Variants in LMF1 observed in about 807,000 individuals in gnomAD.
LMF1 encodes lipase maturation factor 1.
In LMF1, 68 loss-of-function variants were observed where a neutral mutation model predicts 60.6. The ratio of observed to expected loss-of-function variants is 1.12; its 90% CI spans 0.92 to 1.37. The LOEUF (loss-of-function observed/expected upper bound fraction) is 1.37, where lower values mean the gene tolerates loss of function less well. Among genes scored for constraint, LMF1 ranks in the 40% most tolerant of loss-of-function variants. The pLI is 0.00. For missense variants in LMF1, 948 were observed against 767.2 expected, an observed-to-expected ratio of 1.24 and a Z score of -2.78; for synonymous variants, 418 against 324.7, an observed-to-expected ratio of 1.29 and a Z score of -3.09.
intron 1 of LMF1, chr16:976,172 C>T (rs971859768): frequency 4.6e-6 from 2 of 439,490 alleles, no homozygotes; most frequent in Non-Finnish European, 9.2e-6. Flanking sequence ...AGGACCTCAG[C>T]CCCCCAGTGC....
At chr16:855,778 C>A (rs897661262) in intron 10 of LMF1, 9 of 455,904 alleles carry the variant, frequency 2.0e-5, no homozygotes, top group Non-Finnish European at 4.0e-5. Context: ...TCACACTGCA[C>A]CAGGGCCCGG....
chr16:979,790 GCA>G, intron 1 of LMF1: 1 of 454,020 alleles, frequency 2.2e-6, no homozygotes, highest in Non-Finnish European at 4.4e-6. Context: ...GTGGAAGGTG[GCA>G]CAGTTTGGAC....
chr16:908,778 C>T (rs56399736), intron 4 of LMF1, among the ~76,000 whole-genome samples: 2,088 of 152,350 alleles, frequency 0.014, 61 homozygotes, highest in African/African-American at 0.048. Context: ...CCAAGACTCC[C>T]CACAGCCCCA....
chr16:979,977 G>A (rs1049807663), intron 1 of LMF1: 2 of 347,520 alleles, frequency 5.8e-6, no homozygotes, highest in African/African-American at 4.3e-5. Flanking sequence ...GCAGACGGAG[G>A]TGTGGGTCTT....
At chr16:854,939 G>C in intron 10 of LMF1, 2 of 587,544 alleles carry the variant, frequency 3.4e-6, no homozygotes, top group South Asian at 2.0e-5. Flanking sequence ...GGGCGGACGG[G>C]GGGCAGCTCC....
In LMF1 at chr16:919,172, C is replaced by A. The variant is rs192953240; in HGVS notation, c.515-8093G>T. Among the ~76,000 whole-genome samples, 417 of 152,254 alleles carry A rather than the reference C, an allele frequency of 2.7e-3. 2 individuals are homozygous for A. Among genetic ancestry groups the A allele is most frequent in the African/African-American group, 9.7e-3 (401 of 41,514 alleles). On this transcript the variant is annotated intron_variant, in intron 3 of 10. Coordinates refer to ENST00000262301, the MANE Select transcript of LMF1 (RefSeq NM_022773.4). Reference sequence around the variant, plus strand: ...CACTCGCGGCTTTTCCAGACCCTCCCCTGACACTCGGCAGTCGGCGTTTCC... The same window carrying A: ...CACTCGCGGCTTTTCCAGACCCTCCACTGACACTCGGCAGTCGGCGTTTCC...
chr16:973,056 A>G (rs981616140), upstream of LMF1, among the ~76,000 whole-genome samples: 1 of 152,192 alleles, frequency 6.6e-6, no homozygotes, highest in Non-Finnish European at 1.5e-5. Flanking sequence ...TGATTCAGCC[A>G]TCAAAAAGAA....
chr16:890,197 C>T (rs1016572755), intron 5 of LMF1, among the ~76,000 whole-genome samples: 4 of 152,192 alleles, frequency 2.6e-5, no homozygotes, highest in Non-Finnish European at 4.4e-5. Flanking sequence ...CGCAAAGAGC[C>T]GTGTCACGGC....
intron 4 of LMF1, among the ~76,000 whole-genome samples, chr16:906,307 T>A (rs966604561): frequency 2.6e-5 from 4 of 152,176 alleles, no homozygotes; most frequent in African/African-American, 9.7e-5. Context: ...TGATCCTGGG[T>A]GTGTCTGTGA....
chr16:981,282 CTG>C (rs71142797), exon 1 of LMF1: 3,231 of 308,986 alleles, frequency 0.01, 40 homozygotes, highest in African/African-American at 0.021. Flanking sequence ...GCGAGACGGG[CTG>C]TGTGTGTGTG....
rs2072825883 is a variant in LMF1, at chr16:962,317, A to G, written c.194-7651T>C. ...ATGGGCGTGGGTCCATAGTGACAAAATCAGTGACCACAAACAAGTAAGTAA... is the reference window on the plus strand; with the variant it reads ...ATGGGCGTGGGTCCATAGTGACAAAGTCAGTGACCACAAACAAGTAAGTAA... On this transcript the variant is annotated intron_variant, in intron 1 of 10. Transcript: ENST00000262301. This position sits in a 1 kb window ranked among gnomAD's most constrained non-coding sequence, Gnocchi z 4.5. Among the ~76,000 whole-genome samples, 1 of 152,270 alleles carries G rather than the reference A, an allele frequency of 6.6e-6. No individual in the cohort carries two copies. Among genetic ancestry groups the G allele is most frequent in the Admixed American group, 6.5e-5 (1 of 15,292 alleles).
Position 868,533 on chromosome 16 carries a change from G to A in LMF1, c.1529+411C>T, listed in dbSNP as rs1413773496. On this transcript the variant is annotated intron_variant, in intron 10 of 10. Coordinates refer to ENST00000262301, the MANE Select transcript of LMF1 (RefSeq NM_022773.4). The stretch of plus-strand genomic sequence containing the variant: ...CTGCAGGGCCCACAGGGCTCTCACT[G>A]CAGTCCCCTGCCCAGTTCACCATGG... Among the ~76,000 whole-genome samples the A allele has an allele frequency of 3.9e-5, 6 of 152,174 alleles. No individual in the cohort carries two copies. The East Asian group carries it at 9.6e-4, about 24-fold the overall frequency.
At chr16:977,992 GCACA>G (rs1269472637) in intron 1 of LMF1, among the ~76,000 whole-genome samples, 25 of 21,958 alleles carry the variant, frequency 1.1e-3, no homozygotes, top group Admixed American at 5.5e-3. Context: ...ACACATACAC[GCACA>G]CACACACACC....
upstream of LMF1, chr16:971,007 CCCCG>C: frequency 8.0e-6 from 5 of 624,728 alleles, no homozygotes; most frequent in South Asian, 1.9e-4. Flanking sequence ...CTCCCGGAGG[CCCCG>C]CCCATTCTCG....
chr16:954,374 A>C lies in LMF1; in HGVS notation c.486T>G (p.Val162=), dbSNP rs1172594327. 1 of 1,612,448 alleles carries C rather than the reference A, an allele frequency of 6.2e-7. No homozygotes were observed. Among genetic ancestry groups the C allele is most frequent in the Non-Finnish European group, 8.5e-7 (1 of 1,179,648 alleles). ...AALWGLYMSL[V]NVGHVWYSFG... ...CTACTCACCAGACATGGCCCACATTAACCAGGGACATGTAGAGGCCCCACA... is the reference window on the plus strand; with the variant it reads ...CTACTCACCAGACATGGCCCACATTCACCAGGGACATGTAGAGGCCCCACA... Residue 162 remains valine (V), a synonymous_variant, in exon 2 of 11, where the codon GTT becomes GTG. Transcript: ENST00000262301.
intron 5 of LMF1, among the ~76,000 whole-genome samples, chr16:891,532 G>A (rs1381946235): frequency 6.6e-6 from 1 of 152,226 alleles, no homozygotes; most frequent in Non-Finnish European, 1.5e-5. Context: ...TGCTGGGCCA[G>A]GGGGCTCAGT....
chr16:871,403 C>T (rs1281638470), intron 6 of LMF1, 62 bp from the exon 7 acceptor site: 15 of 1,542,196 alleles, frequency 9.7e-6, no homozygotes, highest in East Asian at 7.0e-5. Context: ...GGGCAGCTGG[C>T]GCCTCTCTTC....
chr16:858,652 ACGGGTGTGAGTGG>A (rs2069297123), intron 10 of LMF1, among the ~76,000 whole-genome samples: 3 of 78,510 alleles, frequency 3.8e-5, no homozygotes, highest in African/African-American at 6.6e-5. Flanking sequence ...GTGTCTCGGG[ACGGGTGTGAGTGG>A]TGTCACGGGA....
At chr16:927,026 G>A (rs932299272) in intron 3 of LMF1, among the ~76,000 whole-genome samples, 3 of 152,138 alleles carry the variant, frequency 2.0e-5, no homozygotes, top group South Asian at 2.1e-4. Context: ...AGCACTGGAG[G>A]GTCCAGAAGG....
Sources: gnomAD v4.1 joint callset for allele counts (sites outside exome capture counted in the v4.1 genomes callset) on GRCh38, gnomAD v4.1.1 for gene constraint, Gnocchi (gnomAD v3.1) non-coding constraint, MANE v1.5 for transcripts, NCBI Gene and HGNC (gene_info 2026-07-23, HGNC 2026-07-21) for gene names.